Variants in NAALADL2 observed in about 807,000 individuals in gnomAD.
The protein encoded by NAALADL2 is inactive N-acetylated-alpha-linked acidic dipeptidase-like protein 2.
A neutral mutation model predicts 87.2 loss-of-function variants in NAALADL2; 76 were observed. The observed-to-expected ratio is 0.87, with a 90% CI of 0.72 to 1.05. The LOEUF is 1.05. Ranked by LOEUF, NAALADL2 falls within the 50% of genes least tolerant of loss-of-function variation. The pLI, the probability that NAALADL2 is intolerant of heterozygous loss-of-function variation, is 0.00. For missense variants in NAALADL2, 1,089 were observed against 945.8 expected (o/e 1.15, Z -1.99); for synonymous variants, 354 against 331.0 (o/e 1.07, Z -0.75).
At chr3:175,353,138 G>A (rs1763966681) in intron 5 of NAALADL2, among the ~76,000 whole-genome samples, 1 of 149,524 alleles carries the variant, frequency 6.7e-6, no homozygotes, top group Non-Finnish European at 1.5e-5. Context: ...GTGTGTGTGT[G>A]TTTGGCTCTG....
intron 9 of NAALADL2, among the ~76,000 whole-genome samples, chr3:175,520,453 C>T (rs1055363620): frequency 2.0e-5 from 3 of 151,592 alleles, no homozygotes; most frequent in East Asian, 1.9e-4. Flanking sequence ...CGCCCGCCAC[C>T]GCGCCCGGCT....
At chr3:175,729,664 G>C (rs896040076) in intron 11 of NAALADL2, among the ~76,000 whole-genome samples, 1 of 152,012 alleles carries the variant, frequency 6.6e-6, no homozygotes, top group Non-Finnish European at 1.5e-5. Context: ...TTCTGACCAT[G>C]AGTCATCCCT....
At chr3:174,456,430 A>AG (rs1715838809) in intron 1 of NAALADL2, among the ~76,000 whole-genome samples, 1 of 151,354 alleles carries the variant, frequency 6.6e-6, no homozygotes, top group African/African-American at 2.4e-5. Context: ...AAAAAAAAAA[A>AG]AAAAATCAGG....
intron 5 of NAALADL2, among the ~76,000 whole-genome samples, chr3:175,380,124 C>T (rs1767619215): frequency 6.6e-6 from 1 of 152,000 alleles, no homozygotes; most frequent in Non-Finnish European, 1.5e-5. Context: ...GGGTGCAGCA[C>T]ACCAACATGG....
intron 10 of NAALADL2, among the ~76,000 whole-genome samples, chr3:175,619,836 C>T (rs568670183): frequency 1.3e-5 from 2 of 152,168 alleles, no homozygotes; most frequent in East Asian, 3.9e-4. Context: ...AGTCCAGGAA[C>T]CTTCAAGTAA....
At chr3:174,995,605 C>A (rs142886430) in intron 1 of NAALADL2, among the ~76,000 whole-genome samples, 2 of 152,060 alleles carry the variant, frequency 1.3e-5, no homozygotes, top group African/African-American at 4.8e-5. Context: ...CAGAATACAA[C>A]AGGTAATGAG....
intron 1 of NAALADL2, among the ~76,000 whole-genome samples, chr3:175,023,157 C>T (rs1751779278): frequency 6.6e-6 from 1 of 152,030 alleles, no homozygotes; most frequent in Non-Finnish European, 1.5e-5. Flanking sequence ...ACTCTGGACA[C>T]TAGGGAGATG....
intron 9 of NAALADL2, among the ~76,000 whole-genome samples, chr3:175,573,940 G>A (rs1199907264): frequency 6.6e-6 from 1 of 152,144 alleles, no homozygotes; most frequent in East Asian, 1.9e-4. Flanking sequence ...AACACATTAA[G>A]CAGAAACACT....
intron 11 of NAALADL2, among the ~76,000 whole-genome samples, chr3:175,730,409 T>TATATATATATATATATATATATAG: frequency 4.9e-5 from 4 of 81,080 alleles, no homozygotes; most frequent in Non-Finnish European, 1.0e-4. Context: ...TATATATATA[T>TATATATATATATATATATATATAG]ATATATATAT....
chr3:175,662,944 A>AGTTTGTTT (rs200794824), intron 11 of NAALADL2, among the ~76,000 whole-genome samples: 14 of 151,210 alleles, frequency 9.3e-5, no homozygotes, highest in East Asian at 5.8e-4. Context: ...ATTGGCCTGT[A>AGTTTGTTT]GTTTGTTTGT....
At chr3:174,672,301 T>C (rs2108804464) in intron 2 of NAALADL2, among the ~76,000 whole-genome samples, 1 of 152,210 alleles carries the variant, frequency 6.6e-6, no homozygotes, top group African/African-American at 2.4e-5. Context: ...TGGCTACAAA[T>C]ACCAATAAGA....
chr3:174,756,859 C>T (rs1263975452), intron 3 of NAALADL2, among the ~76,000 whole-genome samples: 1 of 152,130 alleles, frequency 6.6e-6, no homozygotes, highest in Non-Finnish European at 1.5e-5. Context: ...CTTAGATCCC[C>T]CTTCTCAACC....
intron 1 of NAALADL2, among the ~76,000 whole-genome samples, chr3:174,485,067 A>G (rs1275451196): frequency 6.6e-6 from 1 of 152,044 alleles, no homozygotes. Context: ...TAAAGAATTA[A>G]TCAAGTATAC....
intron 1 of NAALADL2, among the ~76,000 whole-genome samples, chr3:174,896,740 G>GA (rs1341048716): frequency 1.3e-5 from 2 of 151,992 alleles, no homozygotes; most frequent in East Asian, 3.9e-4. Flanking sequence ...CAAAAATAAC[G>GA]AAACTGGACG....
chr3:175,642,658 G>A (rs1411510948), intron 11 of NAALADL2, among the ~76,000 whole-genome samples: 3 of 151,984 alleles, frequency 2.0e-5, no homozygotes, highest in African/African-American at 4.8e-5. Context: ...CCGCCACCAC[G>A]CCCAGCTAAT....
At chr3:174,624,589 A>T (rs1342080955) in intron 2 of NAALADL2, among the ~76,000 whole-genome samples, 2 of 150,028 alleles carry the variant, frequency 1.3e-5, no homozygotes, top group African/African-American at 4.9e-5. Context: ...ACACCACTGC[A>T]CTCCAGCCTG....
intron 1 of NAALADL2, among the ~76,000 whole-genome samples, chr3:174,928,228 C>T (rs928980645): frequency 1.3e-5 from 2 of 152,070 alleles, no homozygotes; most frequent in African/African-American, 2.4e-5. Flanking sequence ...TGATGTCACC[C>T]TTATGTGACA....
chr3:175,422,113 C>T (rs898698066), intron 5 of NAALADL2, among the ~76,000 whole-genome samples: 11 of 151,916 alleles, frequency 7.2e-5, no homozygotes, highest in South Asian at 2.1e-4. Context: ...CTGAAGTATT[C>T]GTGTAGATGA....
chr3:175,053,762 A>T (rs1223300608), intron 1 of NAALADL2, among the ~76,000 whole-genome samples: 1 of 152,222 alleles, frequency 6.6e-6, no homozygotes, highest in East Asian at 1.9e-4. Flanking sequence ...AACATGAGGA[A>T]TGTACCATTT....
Sources: allele counts gnomAD v4.1 joint callset (sites outside exome capture counted in the v4.1 genomes callset), GRCh38; gene constraint gnomAD v4.1.1; transcripts MANE v1.5; gene names NCBI Gene and HGNC (gene_info 2026-07-23, HGNC 2026-07-21).